Variants in NAALADL2 observed in about 807,000 individuals in gnomAD.
NAALADL2 encodes the protein N-acetylated alpha-linked acidic dipeptidase like 2, also known as inactive N-acetylated-alpha-linked acidic dipeptidase-like protein 2.
In NAALADL2, 76 loss-of-function variants were observed where a neutral mutation model predicts 87.2. The observed-to-expected ratio is 0.87, with a 90% CI of 0.72 to 1.05. NAALADL2 has a LOEUF of 1.05. Among genes scored for constraint, NAALADL2 ranks in the 50% least tolerant of loss-of-function variants. NAALADL2 has a pLI of 0.00. For synonymous variants in NAALADL2, 354 were observed against 331.0 expected, an observed-to-expected ratio of 1.07 and a Z score of -0.75; for missense variants, 1,089 against 945.8, an observed-to-expected ratio of 1.15 and a Z score of -1.99.
intron 9 of NAALADL2, among the ~76,000 whole-genome samples, chr3:175,552,193 A>G (rs1425444574): frequency 3.3e-5 from 5 of 152,166 alleles, no homozygotes; most frequent in Non-Finnish European, 5.9e-5. Flanking sequence ...AAATGATAAT[A>G]AAGAAAATAT....
At chr3:175,259,384 A>G (rs746936912) in intron 4 of NAALADL2, among the ~76,000 whole-genome samples, 36 of 152,256 alleles carry the variant, frequency 2.4e-4, no homozygotes, top group African/African-American at 7.0e-4. Context: ...CTTATTTAAG[A>G]CTCTGCTAAC....
chr3:174,444,019 G>T (rs946434519), intron 1 of NAALADL2, among the ~76,000 whole-genome samples: 1 of 152,088 alleles, frequency 6.6e-6, no homozygotes, highest in African/African-American at 2.4e-5. Context: ...TATTGAAAAG[G>T]GAGGGAGGAA....
chr3:175,764,493 ACCTTGTGGAAGCTCAGGGGAC>A (rs1207922445), intron 13 of NAALADL2, among the ~76,000 whole-genome samples: 18 of 151,982 alleles, frequency 1.2e-4, no homozygotes, highest in Non-Finnish European at 2.5e-4. Flanking sequence ...TGCCAGAATG[ACCTTGTGGAAGCTCAGGGGAC>A]CATTTCAAGC....
rs1581120075 is a variant in NAALADL2 at position 175,250,259 on chromosome 3, G to C, written c.820-6152G>C. Reference sequence around the variant, plus strand: ...TCTTTTTCTCTCACTTTTTCTGTGTGTGTGTGTGTGTGTGTGTGTGTGTGT... The same window carrying C: ...TCTTTTTCTCTCACTTTTTCTGTGTCTGTGTGTGTGTGTGTGTGTGTGTGT... On this transcript the variant is annotated intron_variant, in intron 3 of 13. Coordinates refer to ENST00000454872, the MANE Select transcript of NAALADL2 (RefSeq NM_207015.3). Among the ~76,000 whole-genome samples the C allele has an allele frequency of 3.1e-5, 3 of 95,614 alleles. No individual in the cohort carries two copies. In the South Asian group the frequency reaches 9.4e-4, roughly 30 times the overall value. 62.7% of individuals were successfully genotyped at this position (95,614 alleles called of 152,430 possible).
At chr3:174,870,007 CAAA>C (rs71624295) in intron 1 of NAALADL2, among the ~76,000 whole-genome samples, 18,761 of 62,024 alleles carry the variant, frequency 0.3, 1,025 homozygotes, top group East Asian at 0.36. Flanking sequence ...CCCCACCCGC[CAAA>C]AAAAAAAAAA....
intron 2 of NAALADL2, among the ~76,000 whole-genome samples, chr3:174,580,333 A>G (rs1716025206): frequency 6.6e-6 from 1 of 152,128 alleles, no homozygotes. Flanking sequence ...ATATTTTCAA[A>G]GTGAGAAACA....
intron 4 of NAALADL2, among the ~76,000 whole-genome samples, chr3:175,263,160 GACT>G (rs1553842023): frequency 6.6e-6 from 1 of 151,820 alleles, no homozygotes; most frequent in Non-Finnish European, 1.5e-5. Flanking sequence ...TTTCAAATCA[GACT>G]ACTTTCTGTT....
intron 5 of NAALADL2, among the ~76,000 whole-genome samples, chr3:175,418,386 C>T (rs1360221040): frequency 6.6e-6 from 1 of 152,052 alleles, no homozygotes; most frequent in African/African-American, 2.4e-5. Context: ...TCATCCAATG[C>T]ATTATTGTTG....
chr3:175,183,962 A>G (rs1736971318), intron 2 of NAALADL2, among the ~76,000 whole-genome samples: 1 of 148,280 alleles, frequency 6.7e-6, no homozygotes. Flanking sequence ...GGCCACCCTC[A>G]AAGTGAGACT....
intron 2 of NAALADL2, among the ~76,000 whole-genome samples, chr3:175,116,015 G>C (rs1725079873): frequency 6.6e-6 from 1 of 151,734 alleles, no homozygotes. Context: ...TGCAGAAAAG[G>C]CCTTCGACAA....
chr3:174,468,198 C>G (rs1024157370), intron 1 of NAALADL2, among the ~76,000 whole-genome samples: 1 of 152,050 alleles, frequency 6.6e-6, no homozygotes, highest in African/African-American at 2.4e-5. Context: ...AGGTAGGACA[C>G]AATCTGGTAA....
chr3:175,280,653 T>C (rs1213620045), intron 4 of NAALADL2, among the ~76,000 whole-genome samples: 1 of 152,054 alleles, frequency 6.6e-6, no homozygotes, highest in South Asian at 2.1e-4. Flanking sequence ...ATAACCTGTG[T>C]TTAAGAGACT....
chr3:175,352,690 T>A (rs1763904009), intron 5 of NAALADL2, among the ~76,000 whole-genome samples: 2 of 152,278 alleles, frequency 1.3e-5, no homozygotes, highest in South Asian at 2.1e-4. Flanking sequence ...AGTGTTTGTT[T>A]CTGGACTAAG....
chr3:175,148,070 C>T (rs2108765063), intron 2 of NAALADL2, among the ~76,000 whole-genome samples: 1 of 115,482 alleles, frequency 8.7e-6, no homozygotes, highest in African/African-American at 3.1e-5. Flanking sequence ...AACTCTGTCT[C>T]AAAATAATAA....
At chr3:174,919,321 A>G (rs762211098) in intron 1 of NAALADL2, among the ~76,000 whole-genome samples, 2 of 152,308 alleles carry the variant, frequency 1.3e-5, no homozygotes, top group African/African-American at 4.8e-5. Flanking sequence ...ACGTCTTTCA[A>G]AATTGGAGTT....
chr3:175,073,638 G>C (rs146147026), intron 1 of NAALADL2, among the ~76,000 whole-genome samples: 1 of 152,098 alleles, frequency 6.6e-6, no homozygotes, highest in Admixed American at 6.5e-5. Context: ...GTATTGTGAA[G>C]AATGTATTTC....
chr3:175,261,202 C>T (rs1334123710), intron 4 of NAALADL2, among the ~76,000 whole-genome samples: 1 of 152,082 alleles, frequency 6.6e-6, no homozygotes, highest in Non-Finnish European at 1.5e-5. Flanking sequence ...TCACATTTCT[C>T]TCAGTGACAA....
intron 2 of NAALADL2, among the ~76,000 whole-genome samples, chr3:175,207,359 A>T (rs1741099756): frequency 6.6e-6 from 1 of 152,076 alleles, no homozygotes; most frequent in East Asian, 1.9e-4. Flanking sequence ...AAAGAGATTA[A>T]AACCATGATG....
At chr3:174,640,856 G>A (rs2108728939) in intron 2 of NAALADL2, among the ~76,000 whole-genome samples, 1 of 152,308 alleles carries the variant, frequency 6.6e-6, no homozygotes, top group Admixed American at 6.5e-5. Context: ...ATTGTTGAGA[G>A]CATGGACTCC....
Sources: allele counts gnomAD v4.1 joint callset (sites outside exome capture counted in the v4.1 genomes callset), GRCh38; gene constraint gnomAD v4.1.1; transcripts MANE v1.5; gene names NCBI Gene and HGNC (gene_info 2026-07-23, HGNC 2026-07-21).